Variants in FARP1 observed in about 807,000 individuals in gnomAD.
The protein encoded by FARP1 is FERM, ARHGEF and pleckstrin domain-containing protein 1.
In FARP1, 52 loss-of-function variants were observed where a neutral mutation model predicts 128.8. The observed-to-expected ratio is 0.40, with a 90% CI of 0.32 to 0.51. FARP1 has a LOEUF of 0.51. Ranked by LOEUF, FARP1 falls within the 20% of genes least tolerant of loss-of-function variation. The pLI is 0.45. For synonymous variants in FARP1, 580 were observed against 551.8 expected (o/e 1.05, Z -0.72); for missense variants, 1,333 against 1,367.9 (o/e 0.97, Z 0.40).
intron 2 of FARP1, among the ~76,000 whole-genome samples, chr13:98,325,305 T>G (rs182115322): frequency 6.6e-6 from 1 of 152,374 alleles, no homozygotes; most frequent in Admixed American, 6.5e-5. Context: ...ACTTGGTTAA[T>G]AAAACTGTTG....
chr13:98,157,266 T>G (rs188777399), intron 1 of FARP1, among the ~76,000 whole-genome samples: 25 of 152,248 alleles, frequency 1.6e-4, no homozygotes, highest in African/African-American at 5.8e-4. Flanking sequence ...AGAAACCTGG[T>G]GTTTTTGCCC....
intron 16 of FARP1, among the ~76,000 whole-genome samples, chr13:98,412,335 A>G (rs1891224500): frequency 6.6e-6 from 1 of 152,222 alleles, no homozygotes; most frequent in African/African-American, 2.4e-5. Context: ...GGGATTATAA[A>G]GAGTAGGGGC....
rs545302465 is a variant in FARP1 at position 98,438,946 on chromosome 13, C to T, written c.2343+74C>T. 28 of 1,547,052 alleles carry T rather than the reference C, an allele frequency of 1.8e-5. 1 individual carries two copies. Among genetic ancestry groups the T allele is most frequent in the Middle Eastern group, 3.4e-4 (2 of 5,888 alleles). On this transcript the variant is annotated intron_variant, in intron 20 of 26. Transcript: ENST00000319562. The stretch of plus-strand genomic sequence containing the variant: ...AAGCAAGGCTCCCAAGGCCGGACCT[C>T]GGCCACCCAAGTGAGGGACCTGGGG...
intron 1 of FARP1, among the ~76,000 whole-genome samples, chr13:98,208,858 G>C (rs1767103989): frequency 6.6e-6 from 1 of 152,182 alleles, no homozygotes; most frequent in Non-Finnish European, 1.5e-5. Flanking sequence ...TTTCATTGCA[G>C]AGGAAGTAAG....
intron 2 of FARP1, among the ~76,000 whole-genome samples, chr13:98,225,527 G>A (rs772597177): frequency 6.6e-6 from 1 of 152,256 alleles, no homozygotes; most frequent in South Asian, 2.1e-4. Context: ...TTTCTTCTTC[G>A]TTTCCCTTCC....
chr13:98,221,019 C>A (rs576766377), intron 2 of FARP1, among the ~76,000 whole-genome samples: 8 of 152,022 alleles, frequency 5.3e-5, no homozygotes, highest in African/African-American at 1.9e-4. Context: ...TGATAAGAAA[C>A]GGAGGGGTTA....
At chr13:98,422,792 G>T (rs1038420405) in intron 16 of FARP1, among the ~76,000 whole-genome samples, 3 of 152,148 alleles carry the variant, frequency 2.0e-5, no homozygotes, top group African/African-American at 7.2e-5. Flanking sequence ...AGTCAGGAAG[G>T]CTCTGAGTGT....
intron 2 of FARP1, among the ~76,000 whole-genome samples, chr13:98,337,538 C>CTTGTGTGTGT: frequency 7.6e-6 from 1 of 132,094 alleles, no homozygotes; most frequent in South Asian, 2.7e-4. Context: ...TCTGTGTAGC[C>CTTGTGTGTGT]GTGTGTGTGT....
At chr13:98,242,057 G>A (rs1415074133) in intron 2 of FARP1, among the ~76,000 whole-genome samples, 3 of 152,200 alleles carry the variant, frequency 2.0e-5, no homozygotes, top group Admixed American at 2.0e-4. Flanking sequence ...GTCCTCTGCT[G>A]TACAGCTTGT....
Position 98,454,939 on chromosome 13 carries a change from A to T in FARP1, c.*6622A>T, listed in dbSNP as rs1425474669. 4 of 152,302 alleles carry T rather than the reference A, an allele frequency of 2.6e-5. No individual in the cohort carries two copies. Among genetic ancestry groups the T allele is most frequent in the African/African-American group, 9.6e-5 (4 of 41,460 alleles). 9.4% of individuals were successfully genotyped at this position (152,302 alleles called of 1,614,324 possible). A position where few individuals can be genotyped will look rare whatever the true frequency, so the allele number is the denominator to read the frequency against. Reference sequence around the variant, plus strand: ...CTTCCCCCATGCATCACTGCAAAGTAAAGTTTTAAACACAACACAGACATC... The same window carrying T: ...CTTCCCCCATGCATCACTGCAAAGTTAAGTTTTAAACACAACACAGACATC... On this transcript the variant is annotated 3_prime_UTR_variant, in exon 27 of 27. Transcript: ENST00000319562.
chr13:98,432,366 G>T, intron 18 of FARP1: 1 of 152,392 alleles, frequency 6.6e-6, no homozygotes. Flanking sequence ...TCAGGGGAAG[G>T]GACTTGCTGG....
At chr13:98,404,551 C>T (rs1340691973) in intron 13 of FARP1, 2 of 152,076 alleles carry the variant, frequency 1.3e-5, no homozygotes, top group African/African-American at 4.8e-5. Flanking sequence ...CCTCTTAGAG[C>T]GTATGGATTT....
chr13:98,356,000 G>T (rs1378121016), intron 3 of FARP1, among the ~76,000 whole-genome samples: 2 of 152,072 alleles, frequency 1.3e-5, no homozygotes, highest in African/African-American at 4.8e-5. Context: ...GTAATTTACT[G>T]ATACTTGTTT....
intron 2 of FARP1, among the ~76,000 whole-genome samples, chr13:98,339,748 C>T (rs1270676220): frequency 6.6e-6 from 1 of 151,088 alleles, no homozygotes; most frequent in Non-Finnish European, 1.5e-5. Context: ...TTTCTATAAA[C>T]ATTTTGTATA....
chr13:98,244,929 T>C, intron 2 of FARP1: 1 of 1,368,222 alleles, frequency 7.3e-7, no homozygotes. Context: ...TTTGATCTAC[T>C]AGATTTGGTG....
chr13:98,349,672 GAAAAAAA>G (rs56376512), intron 3 of FARP1, among the ~76,000 whole-genome samples: 198 of 59,848 alleles, frequency 3.3e-3, no homozygotes, highest in African/African-American at 0.012. Context: ...CCATCTCAGG[GAAAAAAA>G]AAAAAAAAAA....
At chr13:98,257,390 C>G (rs1883663352) in intron 2 of FARP1, among the ~76,000 whole-genome samples, 2 of 152,150 alleles carry the variant, frequency 1.3e-5, no homozygotes, top group African/African-American at 4.8e-5. Context: ...TTCTTCTTTT[C>G]CTCGTCTGTT....
chr13:98,440,589 A>G, intron 23 of FARP1, 81 bp from the exon 24 acceptor site: 1 of 1,452,868 alleles, frequency 6.9e-7, no homozygotes, highest in African/African-American at 1.4e-5. Context: ...GAGCCCCCCA[A>G]CCTTCCAGCA....
intron 16 of FARP1, among the ~76,000 whole-genome samples, chr13:98,417,455 G>GGGGAA (rs1491453247): frequency 1.7e-5 from 1 of 58,454 alleles, no homozygotes; most frequent in South Asian, 6.5e-4. Flanking sequence ...CCAGAGGTTT[G>GGGGAA]AAAAAAAAAA....
Sources: gnomAD v4.1 joint callset for allele counts (sites outside exome capture counted in the v4.1 genomes callset) on GRCh38, gnomAD v4.1.1 for gene constraint, MANE v1.5 for transcripts, NCBI Gene and HGNC (gene_info 2026-07-23, HGNC 2026-07-21) for gene names.